The following GLRA2 variants were observed in gnomAD, a reference collection of about 807,000 sequenced individuals.
The protein encoded by GLRA2 is glycine receptor subunit alpha-2.
A neutral mutation model predicts 31.6 loss-of-function variants in GLRA2; 11 were observed. That is an observed-to-expected ratio of 0.35 (90% CI 0.22 to 0.58). GLRA2 has a LOEUF of 0.58. GLRA2 is among the 20% of genes least tolerant of loss of function. The pLI is 0.84. For missense variants in GLRA2, 212 were observed against 351.8 expected (o/e 0.60, Z 3.18); for synonymous variants, 132 against 134.0 (o/e 0.99, Z 0.10).
chrX:14,607,275 TTC>T lies in GLRA2; in HGVS notation c.715+9_715+10del. On this transcript the variant is annotated splice_region_variant and intron_variant, in intron 6 of 8. Coordinates refer to ENST00000218075, the MANE Select transcript of GLRA2 (RefSeq NM_002063.4). The stretch of plus-strand genomic sequence containing the variant: ...ACAAAGCACTACAACACTGGTAAGT[TTC>T]TTTTTTTTTTTTTTTCAGCTGTTAA... The T allele has an allele frequency of 9.0e-7, 1 of 1,109,085 alleles. No individual in the cohort carries two copies. 91.4% of individuals were successfully genotyped at this position (1,109,085 alleles called of 1,213,427 possible).
the GLRA2 span, among the ~76,000 whole-genome samples, chrX:14,469,058 G>A: frequency 9.0e-6 from 1 of 111,700 alleles, no homozygotes; most frequent in Non-Finnish European, 1.9e-5. Context: ...GTAGATTCTG[G>A]ATATCAGCCC....
At chrX:14,661,864 C>G (rs62586500) in intron 7 of GLRA2, among the ~76,000 whole-genome samples, 20,881 of 87,195 alleles carry the variant, frequency 0.24, 2,102 homozygotes, top group Middle Eastern at 0.3. Flanking sequence ...CAGAGTGAGA[C>G]TCTGTCTCAG....
chrX:14,538,185 C>A (rs2089351665), intron 2 of GLRA2, among the ~76,000 whole-genome samples: 1 of 110,269 alleles, frequency 9.1e-6, no homozygotes, highest in South Asian at 3.9e-4. Context: ...GAACTTGGAT[C>A]TAGAAGACCT....
intron 7 of GLRA2, among the ~76,000 whole-genome samples, chrX:14,667,287 T>C (rs896157506): frequency 8.9e-6 from 1 of 112,366 alleles, no homozygotes; most frequent in Admixed American, 9.4e-5. Flanking sequence ...AATTAAAATA[T>C]AGGATTAAAG....
the GLRA2 span, among the ~76,000 whole-genome samples, chrX:14,469,136 G>A: frequency 6.0e-3 from 668 of 111,484 alleles, 2 homozygotes; most frequent in Non-Finnish European, 0.01. Flanking sequence ...TCTGATGGTA[G>A]TTTCTTTTGC....
At chrX:14,592,496 C>A (rs1380145167) in intron 4 of GLRA2, among the ~76,000 whole-genome samples, 1 of 110,129 alleles carries the variant, frequency 9.1e-6, no homozygotes, top group Non-Finnish European at 1.9e-5. Context: ...ATGGCAAAAC[C>A]CCATCCCTAC....
intron 7 of GLRA2, among the ~76,000 whole-genome samples, chrX:14,674,439 T>C (rs940819350): frequency 1.2e-4 from 13 of 112,141 alleles, no homozygotes; most frequent in Non-Finnish European, 2.3e-4. Flanking sequence ...TTTTGAATTA[T>C]GCAGTGTCTT....
the GLRA2 span, among the ~76,000 whole-genome samples, chrX:14,507,845 C>T: frequency 9.3e-6 from 1 of 107,254 alleles, no homozygotes; most frequent in Non-Finnish European, 1.9e-5. Flanking sequence ...AGGCACGTGC[C>T]ACCACACCCA....
intron 4 of GLRA2, 137 bp from the exon 5 acceptor site, chrX:14,604,177 CT>C (rs113484554): frequency 0.011 from 3,844 of 339,271 alleles, 125 homozygotes; most frequent in African/African-American, 0.087. Flanking sequence ...ACAAAAAGCA[CT>C]GCCCTGAGTT....
chrX:14,458,164 T>A, the GLRA2 span, among the ~76,000 whole-genome samples: 1 of 110,796 alleles, frequency 9.0e-6, no homozygotes, highest in South Asian at 3.9e-4. Flanking sequence ...GAATGATGGT[T>A]TCCAGCTTCA....
At chrX:14,571,035 A>G (rs2089874863) in intron 2 of GLRA2, among the ~76,000 whole-genome samples, 1 of 111,357 alleles carries the variant, frequency 9.0e-6, no homozygotes, top group African/African-American at 3.3e-5. Flanking sequence ...AAATGAGAGC[A>G]AGAGAGAAAG....
chrX:14,513,574 AC>A, the GLRA2 span, among the ~76,000 whole-genome samples: 2 of 111,808 alleles, frequency 1.8e-5, no homozygotes, highest in Non-Finnish European at 3.8e-5. Context: ...GCATAAAAAA[AC>A]CGAACAATCC....
At chrX:14,448,834 G>A in the GLRA2 span, among the ~76,000 whole-genome samples, 1 of 110,626 alleles carries the variant, frequency 9.0e-6, no homozygotes, top group Admixed American at 9.6e-5. Context: ...GCTCACTCGT[G>A]CCTAGAGAGA....
chrX:14,499,179 C>T, the GLRA2 span, among the ~76,000 whole-genome samples: 33 of 111,705 alleles, frequency 3.0e-4, no homozygotes, highest in African/African-American at 1.0e-3. Flanking sequence ...GGTTTTTGAA[C>T]TTCCATACAG....
chrX:14,604,676 A>C (rs2090315616), intron 5 of GLRA2, among the ~76,000 whole-genome samples: 1 of 108,881 alleles, frequency 9.2e-6, no homozygotes, highest in Non-Finnish European at 1.9e-5. Flanking sequence ...CCCCCGCCCA[A>C]AAAATAGCCT....
the GLRA2 span, among the ~76,000 whole-genome samples, chrX:14,466,509 A>G: frequency 7.2e-5 from 8 of 111,591 alleles, no homozygotes; most frequent in South Asian, 3.8e-4. Context: ...ATTTAACTCA[A>G]CATGTTTAAC....
At chrX:14,521,000 A>G in the GLRA2 span, among the ~76,000 whole-genome samples, 2 of 112,554 alleles carry the variant, frequency 1.8e-5, no homozygotes, top group Non-Finnish European at 3.8e-5. Context: ...TTGATTTCCA[A>G]TATAACCAAT....
chrX:14,556,947 CAAT>C (rs1402049141), intron 2 of GLRA2, among the ~76,000 whole-genome samples: 3 of 110,674 alleles, frequency 2.7e-5, no homozygotes, highest in Non-Finnish European at 5.7e-5. Flanking sequence ...AATGGGTACT[CAAT>C]AAATATTTGT....
intron 2 of GLRA2, among the ~76,000 whole-genome samples, chrX:14,537,172 T>C (rs1395550534): frequency 9.0e-6 from 1 of 111,356 alleles, no homozygotes; most frequent in Non-Finnish European, 1.9e-5. Context: ...AAAGTACATA[T>C]AGCATGGGGG....
Sources: allele counts gnomAD v4.1 joint callset (sites outside exome capture counted in the v4.1 genomes callset), GRCh38; gene constraint gnomAD v4.1.1; transcripts MANE v1.5; gene names NCBI Gene and HGNC (gene_info 2026-07-23, HGNC 2026-07-21).